The following VPS13C variants were observed in gnomAD, a reference collection of about 807,000 sequenced individuals.
VPS13C encodes the protein intermembrane lipid transfer protein VPS13C.
Under a neutral mutation model 456.8 loss-of-function variants are expected in VPS13C, and 358 were observed. The ratio of observed to expected loss-of-function variants is 0.78; its 90% CI spans 0.72 to 0.86. VPS13C has a LOEUF of 0.86. Ranked by LOEUF, VPS13C falls within the 40% of genes least tolerant of loss-of-function variation. The pLI, the probability that VPS13C is intolerant of heterozygous loss-of-function variation, is 0.00. For missense variants in VPS13C, 4,818 were observed against 4,385.4 expected, an observed-to-expected ratio of 1.10 and a Z score of -2.79; for synonymous variants, 1,578 against 1,486.7, an observed-to-expected ratio of 1.06 and a Z score of -1.41.
intron 1 of VPS13C, among the ~76,000 whole-genome samples, chr15:62,048,095 TTTTC>T (rs960902657): frequency 1.5e-4 from 22 of 150,876 alleles, no homozygotes; most frequent in African/African-American, 5.3e-4. Context: ...TTTGTTCTCA[TTTTC>T]TTTTTTTATT....
chr15:61,943,722 C>T (rs972669971), intron 45 of VPS13C, among the ~76,000 whole-genome samples: 14 of 151,886 alleles, frequency 9.2e-5, no homozygotes, highest in Admixed American at 2.0e-4. Flanking sequence ...TTCTAGATAT[C>T]GGCTCTGGGA....
intron 15 of VPS13C, 128 bp downstream of exon 15, chr15:62,007,180 T>C (rs1051393278): frequency 2.4e-6 from 2 of 848,182 alleles, no homozygotes; most frequent in Non-Finnish European, 3.2e-6. Flanking sequence ...TTTTCCCACA[T>C]AATTCTCTCT....
chr15:61,986,311 A>G (rs562857630), intron 18 of VPS13C, among the ~76,000 whole-genome samples: 1 of 152,298 alleles, frequency 6.6e-6, no homozygotes, highest in East Asian at 1.9e-4. Context: ...ATGTTAGCAA[A>G]GAATTTGGAA....
chr15:61,884,354 T>C, intron 67 of VPS13C, 85 bp from the exon 68 acceptor site: 5 of 1,387,558 alleles, frequency 3.6e-6, no homozygotes, highest in Non-Finnish European at 4.9e-6. Context: ...ATTGTAACTA[T>C]TATTTTCCTA....
At chr15:61,969,575 C>A in intron 27 of VPS13C, 123 bp from the exon 28 acceptor site, 1 of 476,960 alleles carries the variant, frequency 2.1e-6, no homozygotes, top group Non-Finnish European at 3.4e-6. Flanking sequence ...TATCCTTCTG[C>A]CACCATAGCA....
At chr15:61,953,581 T>C (rs954979973) in intron 38 of VPS13C, among the ~76,000 whole-genome samples, 2 of 152,152 alleles carry the variant, frequency 1.3e-5, no homozygotes, top group African/African-American at 4.8e-5. Flanking sequence ...TCATTTTTTA[T>C]GGCTGCATAG....
intron 80 of VPS13C, among the ~76,000 whole-genome samples, chr15:61,869,119 T>TC (rs1326762074): frequency 1.4e-5 from 2 of 144,988 alleles, no homozygotes; most frequent in African/African-American, 5.2e-5. Context: ...CTTTTTTCTT[T>TC]TTTTTTTTTT....
chr15:61,995,179 A>C (rs1327588740), intron 16 of VPS13C, among the ~76,000 whole-genome samples: 2 of 152,220 alleles, frequency 1.3e-5, no homozygotes, highest in Non-Finnish European at 2.9e-5. Context: ...ATTTCAGTGA[A>C]AGTTTTAGTT....
At chr15:61,901,432 C>G (rs1302423960) in intron 66 of VPS13C, among the ~76,000 whole-genome samples, 1 of 151,822 alleles carries the variant, frequency 6.6e-6, no homozygotes, top group Non-Finnish European at 1.5e-5. Context: ...ACAAACAACC[C>G]CATCAAAAAG....
Position 61,918,264 on chromosome 15 carries a change from G to GA in VPS13C, c.7639-8dup. On this transcript the variant is annotated splice_polypyrimidine_tract_variant and splice_region_variant and intron_variant, in intron 58 of 84. Coordinates refer to ENST00000644861, the MANE Select transcript of VPS13C (RefSeq NM_020821.3). The stretch of plus-strand genomic sequence containing the variant: ...TGGAGAAATGGTTTTTGATCTGTTG[G>GA]ACAAAAAAAAATACAAGTTTTTTAA... 2 of 1,511,458 alleles carry GA rather than the reference G, an allele frequency of 1.3e-6. No homozygotes were observed. Among genetic ancestry groups the GA allele is most frequent in the South Asian group, 2.7e-5 (2 of 75,322 alleles). The allele number at this position is 1,511,458 out of a possible 1,614,324, so 93.6% of individuals were successfully genotyped here. A position where few individuals can be genotyped will look rare whatever the true frequency, so the allele number is the denominator to read the frequency against.
At chr15:62,021,037 C>T (rs749386481) in intron 8 of VPS13C, among the ~76,000 whole-genome samples, 2 of 151,720 alleles carry the variant, frequency 1.3e-5, no homozygotes, top group Non-Finnish European at 2.9e-5. Flanking sequence ...GTGAAACAAC[C>T]CAGAAGCAGA....
chr15:62,058,261 A>T (rs1460012060), intron 1 of VPS13C, among the ~76,000 whole-genome samples: 1 of 152,230 alleles, frequency 6.6e-6, no homozygotes, highest in East Asian at 1.9e-4. Flanking sequence ...AATCACTGGA[A>T]AGAATATTGC....
intron 9 of VPS13C, among the ~76,000 whole-genome samples, 197 bp downstream of exon 9, chr15:62,020,282 A>G (rs900130795): frequency 1.3e-5 from 2 of 151,996 alleles, no homozygotes; most frequent in Non-Finnish European, 2.9e-5. Flanking sequence ...CCTGTTACAC[A>G]GAAAGACAAA....
chr15:62,016,992 C>T (rs947556835), intron 9 of VPS13C, among the ~76,000 whole-genome samples: 26 of 151,910 alleles, frequency 1.7e-4, no homozygotes, highest in East Asian at 1.9e-4. Context: ...TATCTCATTG[C>T]GGTTTTGATT....
chr15:61,862,219 T>C (rs1196156724), intron 82 of VPS13C, among the ~76,000 whole-genome samples: 2 of 152,106 alleles, frequency 1.3e-5, no homozygotes. Context: ...AAAAGGAGTC[T>C]ACTAAGTAAG....
intron 38 of VPS13C, among the ~76,000 whole-genome samples, chr15:61,953,701 A>C (rs549281169): frequency 6.6e-6 from 1 of 152,098 alleles, no homozygotes; most frequent in African/African-American, 2.4e-5. Context: ...ATAAACATAC[A>C]TGTGCATGTG....
chr15:62,005,284 T>C (rs568194944), intron 15 of VPS13C, among the ~76,000 whole-genome samples: 4 of 152,358 alleles, frequency 2.6e-5, no homozygotes, highest in African/African-American at 9.6e-5. Context: ...AATGGCCTTG[T>C]CTCTTTTGAT....
intron 49 of VPS13C, among the ~76,000 whole-genome samples, chr15:61,933,680 CAT>C (rs2044134317): frequency 6.6e-6 from 1 of 151,992 alleles, no homozygotes; most frequent in Non-Finnish European, 1.5e-5. Flanking sequence ...ATACCACTGA[CAT>C]ATTATTTAGT....
intron 18 of VPS13C, 61 bp downstream of exon 18, chr15:61,990,939 T>C: frequency 5.4e-6 from 6 of 1,115,990 alleles, no homozygotes; most frequent in Non-Finnish European, 8.0e-6. Flanking sequence ...GTAAGTCTAA[T>C]CCAATTCAAT....
Sources: allele counts gnomAD v4.1 joint callset (sites outside exome capture counted in the v4.1 genomes callset), GRCh38; gene constraint gnomAD v4.1.1; transcripts MANE v1.5; gene names NCBI Gene and HGNC (gene_info 2026-07-23, HGNC 2026-07-21).